The following PPP1R13B variants were observed in gnomAD, a reference collection of about 807,000 sequenced individuals.
PPP1R13B encodes protein phosphatase 1 regulatory subunit 13B.
PPP1R13B carries 44 observed loss-of-function variants against 119.8 expected under a neutral mutation model. That is an observed-to-expected ratio of 0.37 (90% confidence interval 0.29 to 0.47). The LOEUF is 0.47. Among genes scored for constraint, PPP1R13B ranks in the 20% least tolerant of loss-of-function variants. PPP1R13B has a pLI of 0.99. For synonymous variants in PPP1R13B, 542 were observed against 561.5 expected (o/e 0.97, Z 0.49); for missense variants, 1,227 against 1,413.5 (o/e 0.87, Z 2.12).
At chr14:103,814,956 C>T (rs199795452) in intron 1 of PPP1R13B, among the ~76,000 whole-genome samples, 77 of 148,800 alleles carry the variant, frequency 5.2e-4, no homozygotes, top group African/African-American at 1.8e-3. Flanking sequence ...CAAAAAAAAA[C>T]AAAAGGAAAG....
chr14:103,835,920 T>A (rs2086767052), intron 1 of PPP1R13B, among the ~76,000 whole-genome samples: 2 of 151,830 alleles, frequency 1.3e-5, no homozygotes. Flanking sequence ...TAATTTTTTT[T>A]AATATAGACA....
intron 8 of PPP1R13B, among the ~76,000 whole-genome samples, chr14:103,747,702 A>C (rs1311132946): frequency 1.3e-5 from 2 of 152,174 alleles, no homozygotes; most frequent in African/African-American, 4.8e-5. Context: ...CAACTGTGTC[A>C]TTGTTATGCC....
At chr14:103,769,406 T>A (rs944229435) in intron 4 of PPP1R13B, among the ~76,000 whole-genome samples, 23 of 152,048 alleles carry the variant, frequency 1.5e-4, no homozygotes, top group Admixed American at 3.3e-4. Context: ...TGATGTATTT[T>A]AAAATTTTTT....
At chr14:103,767,034 G>A (rs1041825381) in intron 4 of PPP1R13B, among the ~76,000 whole-genome samples, 2 of 152,220 alleles carry the variant, frequency 1.3e-5, no homozygotes, top group Non-Finnish European at 2.9e-5. Flanking sequence ...ATTATGAGAA[G>A]TGACCAAATA....
At chr14:103,754,024 C>G in intron 6 of PPP1R13B, 46 bp downstream of exon 6, 2 of 1,586,860 alleles carry the variant, frequency 1.3e-6, no homozygotes, top group Non-Finnish European at 1.7e-6. Flanking sequence ...TTCACTGGAT[C>G]TGGGCCTGGT....
chr14:103,742,503 C>G lies in PPP1R13B; in HGVS notation c.1320+151G>C. 1 of 1,271,142 alleles carries G rather than the reference C, an allele frequency of 7.9e-7. No homozygotes were observed. Among genetic ancestry groups the G allele is most frequent in the South Asian group, 1.5e-5 (1 of 67,566 alleles). The allele number at this position is 1,271,142 out of a possible 1,614,324, so 78.7% of individuals were successfully genotyped here. On this transcript the variant is annotated intron_variant, in intron 10 of 16. Transcript: ENST00000202556. This position sits in a 1 kb window ranked among gnomAD's most constrained non-coding sequence, Gnocchi z 4.9. Reference sequence around the variant, plus strand: ...TCGTGGGCTGCTCAGGCTCTTAGGGCCCAGTAACCCTCTAGGACTTTGGGT... The same window carrying G: ...TCGTGGGCTGCTCAGGCTCTTAGGGGCCAGTAACCCTCTAGGACTTTGGGT...
At position 103,786,141 on chromosome 14, in the gene PPP1R13B, G is replaced by A. The variant is rs530283162; in HGVS notation, c.158-1227C>T. On this transcript the variant is annotated intron_variant, in intron 2 of 16. Transcript: ENST00000202556. Reference sequence around the variant, plus strand: ...TGCAACCTCCACCTCCCGGGCTCAAGCGATCCTCCCACCTCAGCCTCCCAA... The same window carrying A: ...TGCAACCTCCACCTCCCGGGCTCAAACGATCCTCCCACCTCAGCCTCCCAA... Among the ~76,000 whole-genome samples, 499 of 152,264 alleles carry A rather than the reference G, an allele frequency of 3.3e-3. 2 individuals carry two copies. The highest frequency in any genetic ancestry group is 0.011 in the African/African-American group (472 of 41,548).
At chr14:103,820,061 G>A (rs533993361) in intron 1 of PPP1R13B, among the ~76,000 whole-genome samples, 1 of 152,096 alleles carries the variant, frequency 6.6e-6, no homozygotes, top group Non-Finnish European at 1.5e-5. Context: ...ACCTGCCAAC[G>A]GGTACAGAGA....
At chr14:103,794,665 T>TAAAA in intron 2 of PPP1R13B, 1 of 394,682 alleles carries the variant, frequency 2.5e-6, no homozygotes, top group South Asian at 1.9e-5. Context: ...CTCTGAAACC[T>TAAAA]AAAAAAAAAA....
At chr14:103,764,514 T>C (rs1567105588) in intron 4 of PPP1R13B, 13 of 356,806 alleles carry the variant, frequency 3.6e-5, no homozygotes, top group South Asian at 2.2e-4. Context: ...TAAATTATTA[T>C]AGAAGTACAA....
Position 103,753,134 on chromosome 14 carries a change from T to C in PPP1R13B, c.694A>G (p.Ile232Val), listed in dbSNP as rs773681636. Residue 232 changes from isoleucine to valine, a missense_variant, in exon 7 of 17, where the codon ATT becomes GTT. By Grantham distance (29) the Ile-to-Val change is conservative (BLOSUM62 3). Coordinates refer to ENST00000202556, the MANE Select transcript of PPP1R13B (RefSeq NM_015316.3). The part of the protein sequence containing the change: ...QEKKQEVQTA[I>V]LRVDQLSQQL... The stretch of plus-strand genomic sequence containing the variant: ...TGACTAAGCTGATCAACCCTTAAAA[T>C]TGCAGTCTGTACTTCCTGCTTCTTT... 8.7e-6 allele frequency: 14 copies of C among 1,613,618 alleles called. No homozygotes were observed. The highest frequency in any genetic ancestry group is 1.7e-5 in the Admixed American group (1 of 60,008).
chr14:103,746,635 G>T, intron 8 of PPP1R13B, 82 bp from the exon 9 acceptor site: 3 of 1,247,452 alleles, frequency 2.4e-6, no homozygotes, highest in Admixed American at 2.8e-5. Context: ...CTGCCAGCTC[G>T]GACAGAAAGC....
At chr14:103,790,918 TTA>T (rs1296755048) in intron 2 of PPP1R13B, among the ~76,000 whole-genome samples, 3 of 152,146 alleles carry the variant, frequency 2.0e-5, no homozygotes, top group African/African-American at 7.2e-5. Flanking sequence ...TACTTAAGAT[TTA>T]TAACTCTAAA....
At chr14:103,802,364 T>C (rs2085920354) in intron 1 of PPP1R13B, among the ~76,000 whole-genome samples, 1 of 152,190 alleles carries the variant, frequency 6.6e-6, no homozygotes, top group African/African-American at 2.4e-5. Context: ...AATCATGCTT[T>C]ATAAATTGAA....
chr14:103,739,730 C>A, intron 12 of PPP1R13B, 94 bp downstream of exon 12: 1 of 1,399,430 alleles, frequency 7.1e-7, no homozygotes, highest in Non-Finnish European at 9.4e-7. Context: ...GTTCCCACTG[C>A]TCCCAGCACA....
intron 1 of PPP1R13B, among the ~76,000 whole-genome samples, chr14:103,830,848 A>G (rs1161133008): frequency 6.6e-6 from 1 of 152,200 alleles, no homozygotes; most frequent in Non-Finnish European, 1.5e-5. Context: ...TCATATACGT[A>G]AAATATGTTC....
At chr14:103,847,142 G>C (rs891000889) in intron 1 of PPP1R13B, 157 bp downstream of exon 1, 28 of 978,946 alleles carry the variant, frequency 2.9e-5, no homozygotes, top group South Asian at 1.9e-4. Flanking sequence ...CTGCCCGCCT[G>C]GGGGGCGCCG....
At chr14:103,765,971 G>C (rs1184166427) in intron 4 of PPP1R13B, among the ~76,000 whole-genome samples, 2 of 142,888 alleles carry the variant, frequency 1.4e-5, no homozygotes, top group Admixed American at 1.4e-4. Flanking sequence ...AAAAACTCTC[G>C]GAGGAAATTT....
At chr14:103,785,583 C>A (rs1204511572) in intron 2 of PPP1R13B, among the ~76,000 whole-genome samples, 2 of 146,510 alleles carry the variant, frequency 1.4e-5, no homozygotes, top group Non-Finnish European at 3.0e-5. Context: ...GCCATCTCGG[C>A]TCACTACAAC....
Sources: allele counts gnomAD v4.1 joint callset (sites outside exome capture counted in the v4.1 genomes callset), GRCh38; gene constraint gnomAD v4.1.1; non-coding constraint Gnocchi (gnomAD v3.1); transcripts MANE v1.5; gene names NCBI Gene and HGNC (gene_info 2026-07-23, HGNC 2026-07-21).